RFX2: variants seen among roughly 807,000 people sequenced by gnomAD.
The protein encoded by RFX2 is DNA-binding protein RFX2.
A neutral mutation model predicts 87.8 loss-of-function variants in RFX2; 20 were observed. The observed-to-expected ratio is 0.23, with a 90% CI of 0.16 to 0.33. The LOEUF (loss-of-function observed/expected upper bound fraction) is 0.33. Ranked by LOEUF, RFX2 falls within the 10% of genes least tolerant of loss-of-function variation. RFX2 has a pLI of 1.00. For missense variants in RFX2, 767 were observed against 1,012.3 expected (o/e 0.76, Z 3.29); for synonymous variants, 397 against 431.3 (o/e 0.92, Z 0.98).
At position 6,110,191 on chromosome 19, in the gene RFX2, A is replaced by G. The variant is rs920004921; in HGVS notation, c.-9+202T>C. Among the ~76,000 whole-genome samples, 1 of 151,508 alleles carries G rather than the reference A, an allele frequency of 6.6e-6. No homozygotes were observed. The highest frequency in any genetic ancestry group is 2.4e-5 in the African/African-American group (1 of 41,260). On this transcript the variant is annotated intron_variant, in intron 1 of 17. Transcript: ENST00000303657. The surrounding 1 kb of genome is among the most constrained non-coding windows in gnomAD (Gnocchi z 4.3). ...CCTCCCCCGCGTTCAGTCAATAAGG[A>G]AAGTGGGGACGTCGCCAGGGTCCCC... is the stretch of plus-strand genomic sequence containing the variant.
At chr19:6,057,167 C>G (rs982072790) in intron 1 of RFX2, 1 of 152,164 alleles carries the variant, frequency 6.6e-6, no homozygotes, top group African/African-American at 2.4e-5. Context: ...CGCACTTGAC[C>G]TTTTGGAGCC....
chr19:6,065,571 C>T (rs1013372311), intron 1 of RFX2, among the ~76,000 whole-genome samples: 2 of 152,072 alleles, frequency 1.3e-5, no homozygotes, highest in Non-Finnish European at 1.5e-5. Context: ...GGCGTGAACC[C>T]GGGAGGCGGA....
chr19:6,079,952 C>T (rs570481563), intron 1 of RFX2, among the ~76,000 whole-genome samples: 6 of 147,080 alleles, frequency 4.1e-5, no homozygotes, highest in East Asian at 3.9e-4. Flanking sequence ...AAGGCAAACA[C>T]GACTGTATGT....
At chr19:6,030,274 C>G (rs2086938674) in intron 5 of RFX2, among the ~76,000 whole-genome samples, 1 of 152,102 alleles carries the variant, frequency 6.6e-6, no homozygotes, top group Non-Finnish European at 1.5e-5. Context: ...GCGTCACAAA[C>G]AAAGAATCCA....
rs890353381 is a variant in RFX2 at position 6,022,170 on chromosome 19, G to C, written c.597+3993C>G. On this transcript the variant is annotated intron_variant, in intron 6 of 17. Transcript: ENST00000303657. The surrounding 1 kb of genome is among the most constrained non-coding windows in gnomAD (Gnocchi z 6.2). ...AGGGGTTGTTGAGGGTGGAGGCCAC[G>C]CACTGAGCTAAGACACTAATCCGAG... Among the ~76,000 whole-genome samples the C allele has an allele frequency of 8.5e-5, 13 of 152,204 alleles. No homozygotes were observed. Among genetic ancestry groups the C allele is most frequent in the African/African-American group, 2.9e-4 (12 of 41,520 alleles).
At position 6,061,275 on chromosome 19, in the gene RFX2, A is replaced by G. The variant is rs1251884550; in HGVS notation, c.-8-13771T>C. ...GCCAATTTTCTTTCACATTGGGGTG[A>G]TTCAAAAGATAACAATGTCTTCTCA... is the stretch of plus-strand genomic sequence containing the variant. On this transcript the variant is annotated intron_variant, in intron 1 of 17. Transcript: ENST00000303657. The surrounding 1 kb of genome is among the most constrained non-coding windows in gnomAD (Gnocchi z 5.2). Among the ~76,000 whole-genome samples the G allele has an allele frequency of 6.6e-6, 1 of 152,186 alleles. No individual in the cohort carries two copies.
At chr19:6,104,272 TA>T (rs1344815073) in intron 1 of RFX2, among the ~76,000 whole-genome samples, 2 of 152,030 alleles carry the variant, frequency 1.3e-5, no homozygotes, top group Non-Finnish European at 2.9e-5. Context: ...ATTCTTAATT[TA>T]AAAAAAATTT....
Position 6,044,136 on chromosome 19 carries a change from G to A in RFX2, c.180+57C>T, listed in dbSNP as rs2087151855. 1 of 1,011,990 alleles carries A rather than the reference G, an allele frequency of 9.9e-7. No individual in the cohort carries two copies. Among genetic ancestry groups the A allele is most frequent in the South Asian group, 2.8e-5 (1 of 35,146 alleles). 62.7% of individuals were successfully genotyped at this position (1,011,990 alleles called of 1,614,324 possible). ...GATGCATCCTTCAGAGATTGTTCTGGATTGCTGAGTGCTAACTGCGCCCCG... is the reference window on the plus strand; with the variant it reads ...GATGCATCCTTCAGAGATTGTTCTGAATTGCTGAGTGCTAACTGCGCCCCG... On this transcript the variant is annotated intron_variant, in intron 3 of 17. Coordinates refer to ENST00000303657, the MANE Select transcript of RFX2 (RefSeq NM_000635.4). This position sits in a 1 kb window ranked among gnomAD's most constrained non-coding sequence, Gnocchi z 5.3.
At chr19:6,029,929 C>A (rs1050694991) in intron 5 of RFX2, among the ~76,000 whole-genome samples, 1 of 152,084 alleles carries the variant, frequency 6.6e-6, no homozygotes, top group Non-Finnish European at 1.5e-5. Flanking sequence ...ATTGAGATTA[C>A]CCAGTCTGAG....
At chr19:6,075,771 A>T (rs2087683542) in intron 1 of RFX2, among the ~76,000 whole-genome samples, 1 of 152,164 alleles carries the variant, frequency 6.6e-6, no homozygotes, top group Non-Finnish European at 1.5e-5. Context: ...AGCTAGGTAC[A>T]CAAGTCCAGG....
Position 6,010,787 on chromosome 19 carries a change from A to G in RFX2, c.900-536T>C, listed in dbSNP as rs2086649974. ...AATGGACACTTGAGAAAATAGATAT[A>G]TATTTTCCCCCTAACATTTCTCTCT... On this transcript the variant is annotated intron_variant, in intron 8 of 17. Transcript: ENST00000303657. The surrounding 1 kb of genome is among the most constrained non-coding windows in gnomAD (Gnocchi z 5.0). 6.6e-6 allele frequency among the ~76,000 whole-genome samples: 1 copy of G among 152,160 alleles called. No homozygotes were observed. The highest frequency in any genetic ancestry group is 1.5e-5 in the Non-Finnish European group (1 of 68,030).
chr19:6,004,252 G>A lies in RFX2; in HGVS notation c.1449C>T (p.Gly483=), dbSNP rs1330596538. Residue 483 remains glycine, a synonymous_variant, in exon 13 of 18, where the codon GGC becomes GGT. Transcript: ENST00000303657. The surrounding 1 kb of genome is among the most constrained non-coding windows in gnomAD (Gnocchi z 4.8). ...AIRNFAKSLE[G]WLTNAMSDFP... is the part of the protein sequence containing the mutation. Reference sequence around the variant, plus strand: ...AGTCACTCATGGCATTTGTCAACCAGCCTTCCAAGCTCTTGGCAAAGTTAC... The same window carrying A: ...AGTCACTCATGGCATTTGTCAACCAACCTTCCAAGCTCTTGGCAAAGTTAC... The A allele has an allele frequency of 6.2e-7, 1 of 1,613,850 alleles. No individual in the cohort carries two copies. Among genetic ancestry groups the A allele is most frequent in the Non-Finnish European group, 8.5e-7 (1 of 1,179,884 alleles).
rs569104666 is a variant in RFX2, at chr19:6,070,653, C to T, written c.-8-23149G>A. On this transcript the variant is annotated intron_variant, in intron 1 of 17. Coordinates refer to ENST00000303657, the MANE Select transcript of RFX2 (RefSeq NM_000635.4). ...CCCATGGTCCCACCTCAATGCCTGA[C>T]AGAAGCCCCACTCCTCAGGTTTATG... 8.5e-5 allele frequency among the ~76,000 whole-genome samples: 13 copies of T among 152,266 alleles called. No homozygotes were observed. The South Asian group carries it at 1.2e-3, about 15-fold the overall frequency.
intron 6 of RFX2, among the ~76,000 whole-genome samples, chr19:6,019,397 C>T (rs759421537): frequency 2.6e-5 from 4 of 151,922 alleles, no homozygotes; most frequent in South Asian, 2.1e-4. Context: ...CTCCAAAGTC[C>T]GGCTCTGGCA....
chr19:6,046,597 C>G (rs1442848212), intron 2 of RFX2, among the ~76,000 whole-genome samples: 3 of 137,460 alleles, frequency 2.2e-5, no homozygotes, highest in Non-Finnish European at 3.1e-5. Context: ...CATCTTTTGC[C>G]TTTTTGCCTT....
intron 1 of RFX2, among the ~76,000 whole-genome samples, chr19:6,052,157 T>A (rs2087273812): frequency 6.6e-6 from 1 of 152,142 alleles, no homozygotes; most frequent in Non-Finnish European, 1.5e-5. Flanking sequence ...ATTACAGGTG[T>A]GAGCGCCACA....
intron 1 of RFX2, among the ~76,000 whole-genome samples, chr19:6,108,271 G>C (rs1000639246): frequency 6.6e-6 from 1 of 152,086 alleles, no homozygotes; most frequent in Non-Finnish European, 1.5e-5. Context: ...TTACTTCTCT[G>C]GTCAGAGTAG....
At position 6,002,184 on chromosome 19, in the gene RFX2, G is replaced by A. The variant is rs576578969; in HGVS notation, c.1651-161C>T. Among the ~76,000 whole-genome samples the A allele has an allele frequency of 2.0e-5, 3 of 152,378 alleles. No individual in the cohort carries two copies. In the East Asian group the frequency reaches 5.8e-4, roughly 29 times the overall value. Reference sequence around the variant, plus strand: ...CCAAGTCCTGTGTCTCCCGTCACAGGGGCAGAATAGAGAGCTGAGGGGGAT... The same window carrying A: ...CCAAGTCCTGTGTCTCCCGTCACAGAGGCAGAATAGAGAGCTGAGGGGGAT... On this transcript the variant is annotated intron_variant, in intron 14 of 17. Transcript: ENST00000303657. The surrounding 1 kb of genome is among the most constrained non-coding windows in gnomAD (Gnocchi z 6.7).
In RFX2 at chr19:5,998,974, G is replaced by T. The variant is rs1040975376; in HGVS notation, c.1860-1761C>A. ...CTGCACGTGCATAAGAATGAAGTCA[G>T]ACCAGGCGTGGTGGCTCATGACTGG... On this transcript the variant is annotated intron_variant, in intron 15 of 17. Transcript: ENST00000303657. The surrounding 1 kb of genome is among the most constrained non-coding windows in gnomAD (Gnocchi z 4.2). 6.6e-6 allele frequency among the ~76,000 whole-genome samples: 1 copy of T among 152,242 alleles called. No individual in the cohort carries two copies.
Sources: gnomAD v4.1 joint callset for allele counts (sites outside exome capture counted in the v4.1 genomes callset) on GRCh38, gnomAD v4.1.1 for gene constraint, Gnocchi (gnomAD v3.1) non-coding constraint, MANE v1.5 for transcripts, NCBI Gene and HGNC (gene_info 2026-07-23, HGNC 2026-07-21) for gene names.